Variants in TRPV2 observed in about 807,000 individuals in gnomAD.
The protein encoded by TRPV2 is OTRPC2.
TRPV2 carries 58 observed loss-of-function variants against 91.0 expected under a neutral mutation model. That is an observed-to-expected ratio of 0.64 (90% CI 0.52 to 0.79). The LOEUF (loss-of-function observed/expected upper bound fraction) is 0.79. Among genes scored for constraint, TRPV2 ranks in the 30% least tolerant of loss-of-function variants. The pLI is 0.00. For synonymous variants in TRPV2, 417 were observed against 414.8 expected (o/e 1.01, Z -0.06); for missense variants, 807 against 969.6 (o/e 0.83, Z 2.23).
In TRPV2 at chr17:16,426,918, C is replaced by T. The variant is rs745489517; in HGVS notation, c.1251+41C>T. 3.1e-6 allele frequency: 5 copies of T among 1,592,510 alleles called. No homozygotes were observed. Among genetic ancestry groups the T allele is most frequent in the South Asian group, 2.3e-5 (2 of 88,396 alleles). On this transcript the variant is annotated intron_variant, in intron 7 of 14. Coordinates refer to ENST00000338560, the MANE Select transcript of TRPV2 (RefSeq NM_016113.5). This position sits in a 1 kb window ranked among gnomAD's most constrained non-coding sequence, Gnocchi z 6.0. ...TTGGGGGGGCACATCTTGGGGGAGG[C>T]CTGCTTGAAACAACCCTGGGGGAAG...
At chr17:16,424,620 G>A (rs778737259) in intron 5 of TRPV2, among the ~76,000 whole-genome samples, 28 of 152,168 alleles carry the variant, frequency 1.8e-4, no homozygotes, top group Non-Finnish European at 3.4e-4. Context: ...TTTAAAAGTC[G>A]TTTGTGTTTC....
At chr17:16,422,406 C>T (rs1277390426) in intron 3 of TRPV2, among the ~76,000 whole-genome samples, 193 bp from the exon 4 acceptor site, 6 of 151,766 alleles carry the variant, frequency 4.0e-5, no homozygotes, top group Non-Finnish European at 8.8e-5. Flanking sequence ...GTAGTCATGT[C>T]TGTTGGTATT....
chr17:16,434,481 A>AAG (rs980438292), intron 13 of TRPV2, among the ~76,000 whole-genome samples: 8 of 151,682 alleles, frequency 5.3e-5, no homozygotes, highest in Non-Finnish European at 1.2e-4. Flanking sequence ...AAAAAAAAAA[A>AAG]AAAGAAAACA....
chr17:16,430,602 C>T (rs575292518), intron 10 of TRPV2, among the ~76,000 whole-genome samples: 30 of 152,104 alleles, frequency 2.0e-4, no homozygotes, highest in South Asian at 1.5e-3. Flanking sequence ...TCTCCTGCCT[C>T]AGCCTCCCGA....
At chr17:16,424,779 T>G (rs1025138581) in intron 5 of TRPV2, among the ~76,000 whole-genome samples, 1 of 151,940 alleles carries the variant, frequency 6.6e-6, no homozygotes, top group Non-Finnish European at 1.5e-5. Flanking sequence ...TTTTGAATTT[T>G]ATGTTTTTTT....
chr17:16,416,906 C>T (rs187952567), intron 1 of TRPV2, among the ~76,000 whole-genome samples: 1 of 152,168 alleles, frequency 6.6e-6, no homozygotes, highest in South Asian at 2.1e-4. Context: ...CCAGTCATCG[C>T]ACTTTTATCT....
chr17:16,422,575 C>A, intron 3 of TRPV2, 24 bp from the exon 4 acceptor site: 1 of 1,603,156 alleles, frequency 6.2e-7, no homozygotes. Context: ...CCACTGTGCC[C>A]CTTCCCCTCC....
In TRPV2 at chr17:16,415,595, G is replaced by A. The variant is rs1159372171; in HGVS notation, c.-346G>A. On this transcript the variant is annotated 5_prime_UTR_variant, in exon 1 of 15. Transcript: ENST00000338560. The surrounding 1 kb of genome is among the most constrained non-coding windows in gnomAD (Gnocchi z 4.5). Reference sequence around the variant, plus strand: ...CAGTCTCTGGTGGCTAGCCTGTCCTGACAGGGGAGAGTTAAGCTCCCGTTC... The same window carrying A: ...CAGTCTCTGGTGGCTAGCCTGTCCTAACAGGGGAGAGTTAAGCTCCCGTTC... 2 of 152,288 alleles carry A rather than the reference G, an allele frequency of 1.3e-5. No homozygotes were observed. Among genetic ancestry groups the A allele is most frequent in the African/African-American group, 4.8e-5 (2 of 41,450 alleles). 9.4% of individuals were successfully genotyped at this position (152,288 alleles called of 1,614,324 possible). A position where few individuals can be genotyped will look rare whatever the true frequency, so the allele number is the denominator to read the frequency against.
chr17:16,430,487 C>CTTTTTTTTTTTTT (rs576176898), intron 10 of TRPV2, among the ~76,000 whole-genome samples: 1 of 80,480 alleles, frequency 1.2e-5, no homozygotes, highest in Non-Finnish European at 3.7e-5. Context: ...AAATGCCTTC[C>CTTTTTTTTTTTTT]TTTTTTTTTT....
intron 12 of TRPV2, 32 bp from the exon 13 acceptor site, chr17:16,433,542 G>A (rs764667444): frequency 6.2e-7 from 1 of 1,610,448 alleles, no homozygotes. Flanking sequence ...AGGGTCCCAG[G>A]ACGTTCTGTC....
rs576176898 is a variant in TRPV2 at position 16,430,487 on chromosome 17, C to CTTTTTTTTTTTTTTTTT, written c.1588-1281_1588-1280insTTTTTTTTTTTTTTTTT. Among the ~76,000 whole-genome samples, 5 of 80,480 alleles carry CTTTTTTTTTTTTTTTTT rather than the reference C, an allele frequency of 6.2e-5. 2 individuals are homozygous for CTTTTTTTTTTTTTTTTT. Among genetic ancestry groups the CTTTTTTTTTTTTTTTTT allele is most frequent in the Non-Finnish European group, 3.7e-5 (1 of 26,780 alleles). 52.8% of individuals were successfully genotyped at this position (80,480 alleles called of 152,430 possible). On this transcript the variant is annotated intron_variant, in intron 10 of 14. Coordinates refer to ENST00000338560, the MANE Select transcript of TRPV2 (RefSeq NM_016113.5). ...TGTAGCATGTGTCAGAAATGCCTTC[C>CTTTTTTTTTTTTTTTTT]TTTTTTTTTTTTTTTTGAGATGGAG...
At chr17:16,436,749 A>T in intron 14 of TRPV2, 40 bp from the exon 15 acceptor site, 1 of 1,465,492 alleles carries the variant, frequency 6.8e-7, no homozygotes, top group African/African-American at 1.4e-5. Flanking sequence ...CTGGGGACAC[A>T]CTCAAGGGTT....
chr17:16,432,239 C>T lies in TRPV2; in HGVS notation c.1928C>T (p.Ala643Val). 6.2e-7 allele frequency: 1 copy of T among 1,613,804 alleles called. No homozygotes were observed. Among genetic ancestry groups the T allele is most frequent in the Non-Finnish European group, 8.5e-7 (1 of 1,179,722 alleles). ...ATCCTGCTGCTCAACATGCTCATCG[C>T]CCTCATGAGCGAGACCGTCAACAGT... ...TYILLLNMLI[A>V]LMSETVNSVA... Residue 643 changes from alanine to valine, a missense_variant, in exon 12 of 15, where the codon GCC becomes GTC. Ala to Val is a moderately conservative substitution (Grantham distance 64, BLOSUM62 0). Transcript: ENST00000338560.
In TRPV2 at chr17:16,436,849, A is replaced by T; in HGVS notation, c.2255A>T (p.Glu752Val). Residue 752 changes from glutamate (E) to valine (V), a missense_variant, in exon 15 of 15, where the codon GAG becomes GTG. By Grantham distance (121) the Glu-to-Val change is moderately radical. Transcript: ENST00000338560. ...PPKEDEDGAS[E>V]ENYVPVQLLQ... ...AAGGAGGATGAGGATGGTGCCTCTG[A>T]GGAAAACTATGTGCCCGTCCAGCTC... 6.2e-7 allele frequency: 1 copy of T among 1,614,088 alleles called. No homozygotes were observed. Among genetic ancestry groups the T allele is most frequent in the Non-Finnish European group, 8.5e-7 (1 of 1,179,988 alleles).
rs752453301 is a variant in TRPV2, at chr17:16,436,902, A to C, written c.*13A>C. On this transcript the variant is annotated 3_prime_UTR_variant, in exon 15 of 15. Coordinates refer to ENST00000338560, the MANE Select transcript of TRPV2 (RefSeq NM_016113.5). ...CCAGTCCAACTGATGGCCCAGATGC[A>C]GCAGGAGGCCAGAGGACAGAGCAGA... 1.9e-6 allele frequency: 3 copies of C among 1,605,540 alleles called. No homozygotes were observed. In the Admixed American group the frequency reaches 5.0e-5, roughly 27 times the overall value.
chr17:16,427,122 A>T (rs970321549), intron 7 of TRPV2, among the ~76,000 whole-genome samples: 3 of 152,184 alleles, frequency 2.0e-5, no homozygotes, highest in African/African-American at 7.2e-5. Flanking sequence ...AAAACCCTTG[A>T]GATGGTGAAT....
intron 2 of TRPV2, among the ~76,000 whole-genome samples, chr17:16,418,464 G>A (rs927000543): frequency 2.6e-5 from 4 of 152,110 alleles, no homozygotes; most frequent in South Asian, 4.1e-4. Flanking sequence ...GCCCGGGGGC[G>A]GGGCCTGCCC....
rs770262686 is a variant in TRPV2, at chr17:16,432,039, G to A, written c.1728G>A (p.Gln576=). The A allele has an allele frequency of 6.2e-7, 1 of 1,613,592 alleles. No individual in the cohort carries two copies. Among genetic ancestry groups the A allele is most frequent in the Non-Finnish European group, 8.5e-7 (1 of 1,179,608 alleles). Residue 576 remains glutamine (Q), a synonymous_variant, in exon 12 of 15, where the codon CAG becomes CAA. Transcript: ENST00000338560. ...PTGPNATESV[Q]PMEGQEDEGN... ...GCCCCAATGCCACAGAGTCAGTGCA[G>A]CCCATGGAGGGACAGGAGGACGAGG...
Position 16,426,394 on chromosome 17 carries a change from T to G in TRPV2, c.1095+125T>G. The G allele has an allele frequency of 2.4e-6, 3 of 1,241,370 alleles. No homozygotes were observed. The highest frequency in any genetic ancestry group is 2.2e-6 in the Non-Finnish European group (2 of 898,366). The allele number at this position is 1,241,370 out of a possible 1,614,324, so 76.9% of individuals were successfully genotyped here. On this transcript the variant is annotated intron_variant, in intron 6 of 14. Transcript: ENST00000338560. The surrounding 1 kb of genome is among the most constrained non-coding windows in gnomAD (Gnocchi z 6.0). ...CTGTGCCAGTGGGGGTGTGGCTGCA[T>G]GTCCCAGCAGGCACGACCCTGACCA...
Sources: gnomAD v4.1 joint callset for allele counts (sites outside exome capture counted in the v4.1 genomes callset) on GRCh38, gnomAD v4.1.1 for gene constraint, Gnocchi (gnomAD v3.1) non-coding constraint, MANE v1.5 for transcripts, NCBI Gene and HGNC (gene_info 2026-07-23, HGNC 2026-07-21) for gene names.